NEGR1: variants seen among roughly 807,000 people sequenced by gnomAD.
The protein encoded by NEGR1 is IgLON family member 4.
NEGR1 carries 10 observed loss-of-function variants against 40.9 expected under a neutral mutation model. The ratio of observed to expected loss-of-function variants is 0.24; its 90% confidence interval spans 0.15 to 0.42. NEGR1 has a LOEUF of 0.42. Ranked by LOEUF, NEGR1 falls within the 10% of genes least tolerant of loss-of-function variation. NEGR1 has a pLI of 1.00. For missense variants in NEGR1, 352 were observed against 438.9 expected, an observed-to-expected ratio of 0.80 and a Z score of 1.77; for synonymous variants, 185 against 166.8, an observed-to-expected ratio of 1.11 and a Z score of -0.84.
chr1:71,858,255 GTTC>G (rs141155601), intron 2 of NEGR1, among the ~76,000 whole-genome samples: 5,159 of 151,958 alleles, frequency 0.034, 95 homozygotes, highest in Non-Finnish European at 0.041. Flanking sequence ...TCTCATTTTT[GTTC>G]TTCTTTTTAA....
intron 2 of NEGR1, among the ~76,000 whole-genome samples, chr1:71,888,035 A>C (rs867199626): frequency 4.9e-5 from 7 of 141,796 alleles, no homozygotes; most frequent in East Asian, 2.1e-4. Flanking sequence ...ACACACACAC[A>C]CCTCTAGAAT....
At chr1:72,263,533 T>C (rs918789268) in intron 1 of NEGR1, among the ~76,000 whole-genome samples, 5 of 151,744 alleles carry the variant, frequency 3.3e-5, no homozygotes, top group South Asian at 2.1e-4. Context: ...TTGGATGTTT[T>C]AGTTCTCTGG....
intron 1 of NEGR1, among the ~76,000 whole-genome samples, chr1:72,240,225 A>G (rs1391638547): frequency 1.3e-5 from 2 of 151,906 alleles, no homozygotes; most frequent in East Asian, 3.9e-4. Flanking sequence ...AGAAGGGATG[A>G]GACAATGTTG....
intron 1 of NEGR1, among the ~76,000 whole-genome samples, chr1:72,121,924 C>T (rs1649820118): frequency 6.6e-6 from 1 of 151,676 alleles, no homozygotes; most frequent in Non-Finnish European, 1.5e-5. Flanking sequence ...TTTTGTGGGG[C>T]AATGCAGATA....
intron 1 of NEGR1, among the ~76,000 whole-genome samples, chr1:72,125,649 C>A (rs1485839676): frequency 6.6e-6 from 1 of 151,856 alleles, no homozygotes; most frequent in Non-Finnish European, 1.5e-5. Context: ...ATTAAATGGA[C>A]CAAATATAGC....
At chr1:71,605,168 T>A (rs1040007874) in intron 5 of NEGR1, among the ~76,000 whole-genome samples, 3 of 152,192 alleles carry the variant, frequency 2.0e-5, no homozygotes, top group African/African-American at 7.2e-5. Context: ...ATACTATTTT[T>A]AAAATCTATT....
chr1:71,445,158 C>T (rs1314590228), intron 6 of NEGR1, among the ~76,000 whole-genome samples: 1 of 152,140 alleles, frequency 6.6e-6, no homozygotes, highest in Non-Finnish European at 1.5e-5. Flanking sequence ...GGTTACCCAA[C>T]AAGGGTTCTA....
intron 6 of NEGR1, among the ~76,000 whole-genome samples, chr1:71,418,075 C>CTTTTTTT (rs34107424): frequency 1.4e-5 from 2 of 140,494 alleles, no homozygotes; most frequent in African/African-American, 2.6e-5. Flanking sequence ...CCAGGGTACA[C>CTTTTTTT]TTTTTTTTTT....
chr1:71,466,726 G>A (rs968397987), intron 6 of NEGR1, among the ~76,000 whole-genome samples: 13 of 152,084 alleles, frequency 8.5e-5, no homozygotes, highest in African/African-American at 3.1e-4. Context: ...AAGGAGGCTG[G>A]TGTACATGGA....
chr1:71,599,982 G>A (rs1649861983), intron 5 of NEGR1, among the ~76,000 whole-genome samples: 1 of 152,078 alleles, frequency 6.6e-6, no homozygotes, highest in African/African-American at 2.4e-5. Flanking sequence ...ATATGCCCAT[G>A]ATTTTAATGT....
intron 4 of NEGR1, among the ~76,000 whole-genome samples, chr1:71,688,291 T>C (rs1172961801): frequency 8.0e-6 from 1 of 124,456 alleles, no homozygotes; most frequent in Non-Finnish European, 1.6e-5. Flanking sequence ...AAAGGTGAAC[T>C]GGAGGAGTTT....
At chr1:72,257,149 C>T (rs1007276131) in intron 1 of NEGR1, among the ~76,000 whole-genome samples, 20 of 151,746 alleles carry the variant, frequency 1.3e-4, no homozygotes, top group African/African-American at 4.8e-4. Flanking sequence ...GGTGAAACCC[C>T]GTCTCTACTA....
At chr1:71,705,318 T>C (rs910179164) in intron 3 of NEGR1, among the ~76,000 whole-genome samples, 6 of 152,002 alleles carry the variant, frequency 3.9e-5, no homozygotes, top group Non-Finnish European at 7.4e-5. Context: ...AAGAAGAAAA[T>C]CTTTGTGACT....
intron 1 of NEGR1, among the ~76,000 whole-genome samples, chr1:72,192,861 C>T (rs1191728646): frequency 6.6e-6 from 1 of 151,732 alleles, no homozygotes; most frequent in East Asian, 1.9e-4. Flanking sequence ...TTTACAGTTT[C>T]TTTTTCTATG....
rs540837013 is a variant in NEGR1 at position 72,256,545 on chromosome 1, C to A, written c.176+25774G>T. ...GAATTATGAATTATAATCACCCTAACCATGTAAGTTCATTACTTTATATAT... is the reference window on the plus strand; with the variant it reads ...GAATTATGAATTATAATCACCCTAAACATGTAAGTTCATTACTTTATATAT... On this transcript the variant is annotated intron_variant, in intron 1 of 6. Coordinates refer to ENST00000357731, the MANE Select transcript of NEGR1 (RefSeq NM_173808.3). Among the ~76,000 whole-genome samples the A allele has an allele frequency of 3.3e-5, 5 of 152,252 alleles. No homozygotes were observed. The South Asian group carries it at 6.2e-4, about 19-fold the overall frequency.
chr1:71,839,477 T>C (rs1408737667), intron 2 of NEGR1, among the ~76,000 whole-genome samples: 10 of 151,710 alleles, frequency 6.6e-5, no homozygotes, highest in Non-Finnish European at 1.3e-4. Context: ...TCACAAAGTG[T>C]TGGGATTACA....
At chr1:71,659,403 C>G (rs555780764) in intron 4 of NEGR1, among the ~76,000 whole-genome samples, 44 of 152,220 alleles carry the variant, frequency 2.9e-4, no homozygotes, top group Non-Finnish European at 4.9e-4. Context: ...CAATACCATA[C>G]TGGACATAGG....
At chr1:71,990,920 T>TATATA (rs1557472048) in intron 1 of NEGR1, among the ~76,000 whole-genome samples, 1 of 109,212 alleles carries the variant, frequency 9.2e-6, no homozygotes, top group African/African-American at 3.4e-5. Flanking sequence ...ATATATATAT[T>TATATA]TTTTTTTTAA....
intron 1 of NEGR1, among the ~76,000 whole-genome samples, chr1:71,939,543 A>G (rs1369202324): frequency 6.6e-6 from 1 of 152,190 alleles, no homozygotes; most frequent in African/African-American, 2.4e-5. Flanking sequence ...CATGTAAACT[A>G]TAATTACATG....
Sources: allele counts gnomAD v4.1 joint callset (sites outside exome capture counted in the v4.1 genomes callset), GRCh38; gene constraint gnomAD v4.1.1; transcripts MANE v1.5; gene names NCBI Gene and HGNC (gene_info 2026-07-23, HGNC 2026-07-21).